SYCP2L: variants seen among roughly 807,000 people sequenced by gnomAD.
The protein encoded by SYCP2L is synaptonemal complex protein 2-like.
A neutral mutation model predicts 125.8 loss-of-function variants in SYCP2L; 98 were observed. The ratio of observed to expected loss-of-function variants is 0.78; its 90% confidence interval spans 0.66 to 0.92. SYCP2L has a LOEUF of 0.92. Among genes scored for constraint, SYCP2L ranks in the 40% least tolerant of loss-of-function variants. The pLI is 0.00. For synonymous variants in SYCP2L, 317 were observed against 325.4 expected, an observed-to-expected ratio of 0.97 and a Z score of 0.28; for missense variants, 842 against 936.4, an observed-to-expected ratio of 0.90 and a Z score of 1.32.
At chr6:10,942,624 T>C in intron 22 of SYCP2L, 53 bp from the exon 23 acceptor site, 1 of 1,602,950 alleles carries the variant, frequency 6.2e-7, no homozygotes, top group African/African-American at 1.3e-5. Flanking sequence ...GTACACCACT[T>C]GTTTCTTGCT....
At chr6:10,913,300 T>C (rs139025090) in intron 14 of SYCP2L, among the ~76,000 whole-genome samples, 2 of 152,142 alleles carry the variant, frequency 1.3e-5, no homozygotes, top group African/African-American at 2.4e-5. Flanking sequence ...ACCTAGAAAA[T>C]CAGGTAGTAA....
chr6:10,912,516 T>C lies in SYCP2L; in HGVS notation c.919-157T>C, dbSNP rs1048543250. Among the ~76,000 whole-genome samples, 4 of 152,206 alleles carry C rather than the reference T, an allele frequency of 2.6e-5. No individual in the cohort carries two copies. The highest frequency in any genetic ancestry group is 9.6e-5 in the African/African-American group (4 of 41,454). ...GAGTTCTATAAAATTGAGATCCTTC[T>C]GTTTTGCACAAAAGAGTCAGTCAAT... On this transcript the variant is annotated intron_variant, in intron 12 of 29. Coordinates refer to ENST00000283141, the MANE Select transcript of SYCP2L (RefSeq NM_001040274.3). The surrounding 1 kb of genome is among the most constrained non-coding windows in gnomAD (Gnocchi z 4.1).
intron 6 of SYCP2L, among the ~76,000 whole-genome samples, chr6:10,900,583 C>A (rs750792679): frequency 3.3e-5 from 5 of 152,054 alleles, no homozygotes; most frequent in Non-Finnish European, 7.4e-5. Context: ...GAACTCCTGA[C>A]CCCAGGTGAT....
chr6:10,955,437 C>T (rs73432983), intron 24 of SYCP2L, among the ~76,000 whole-genome samples: 6,469 of 152,184 alleles, frequency 0.043, 464 homozygotes, highest in African/African-American at 0.15. Flanking sequence ...ATTTCTTCCT[C>T]GTAACTCTTC....
At chr6:10,895,597 C>T (rs1452399529) in intron 4 of SYCP2L, among the ~76,000 whole-genome samples, 1 of 148,980 alleles carries the variant, frequency 6.7e-6, no homozygotes, top group Non-Finnish European at 1.5e-5. Flanking sequence ...GCCTGGGCAT[C>T]TAACAAAGGC....
At chr6:10,900,353 C>A (rs1977745) in intron 6 of SYCP2L, among the ~76,000 whole-genome samples, 46,065 of 150,490 alleles carry the variant, frequency 0.31, 7,398 homozygotes, top group African/African-American at 0.39. Flanking sequence ...TTTTTCTTTT[C>A]TTTTCTTTTT....
chr6:10,944,022 T>G (rs1012425540), intron 23 of SYCP2L, among the ~76,000 whole-genome samples: 2 of 152,224 alleles, frequency 1.3e-5, no homozygotes, highest in African/African-American at 2.4e-5. Flanking sequence ...TCATGAACTC[T>G]CTCCTGATAC....
chr6:10,938,500 A>C (rs1365551770), intron 21 of SYCP2L, among the ~76,000 whole-genome samples: 1 of 152,240 alleles, frequency 6.6e-6, no homozygotes, highest in Non-Finnish European at 1.5e-5. Flanking sequence ...CAGGAATACG[A>C]CAAAGGTGTC....
chr6:10,924,653 C>A lies in SYCP2L; in HGVS notation c.1218+12C>A. 1 of 1,536,626 alleles carries A rather than the reference C, an allele frequency of 6.5e-7. No individual in the cohort carries two copies. The highest frequency in any genetic ancestry group is 1.3e-5 in the South Asian group (1 of 77,422). On this transcript the variant is annotated intron_variant, in intron 15 of 29. Coordinates refer to ENST00000283141, the MANE Select transcript of SYCP2L (RefSeq NM_001040274.3). ...GAGAAGACAAACAGGTGGCAGGTTT[C>A]ATTCTTTTGGATTATTTAAAAATGT...
chr6:10,945,949 A>C (rs903916210), intron 23 of SYCP2L, among the ~76,000 whole-genome samples: 1 of 152,006 alleles, frequency 6.6e-6, no homozygotes. Flanking sequence ...GCATGGTATA[A>C]TTTCTAAAAG....
intron 2 of SYCP2L, among the ~76,000 whole-genome samples, chr6:10,893,344 A>G (rs914513324): frequency 2.6e-5 from 4 of 152,274 alleles, no homozygotes; most frequent in African/African-American, 9.6e-5. Flanking sequence ...ATGTGCAGGC[A>G]GAAAAGATGA....
intron 1 of SYCP2L, among the ~76,000 whole-genome samples, chr6:10,888,423 GA>G (rs1223141234): frequency 6.6e-6 from 1 of 151,994 alleles, no homozygotes; most frequent in Non-Finnish European, 1.5e-5. Context: ...TGAGGAGACT[GA>G]ATCTCAGAGA....
In SYCP2L at chr6:10,936,763, G is replaced by A. The variant is rs112721765; in HGVS notation, c.1813+1576G>A. Reference sequence around the variant, plus strand: ...GAAGGGTCGGAAAAAGATATTCCATGCAAATGGCAATCAAAAGAGAGCAGG... The same window carrying A: ...GAAGGGTCGGAAAAAGATATTCCATACAAATGGCAATCAAAAGAGAGCAGG... On this transcript the variant is annotated intron_variant, in intron 21 of 29. Transcript: ENST00000283141. 8.6e-3 allele frequency among the ~76,000 whole-genome samples: 1,309 copies of A among 152,266 alleles called. 29 individuals are homozygous for A. Among genetic ancestry groups the A allele is most frequent in the African/African-American group, 0.03 (1,246 of 41,542 alleles).
intron 23 of SYCP2L, among the ~76,000 whole-genome samples, chr6:10,953,506 A>G (rs1229624703): frequency 6.6e-6 from 1 of 152,044 alleles, no homozygotes; most frequent in Non-Finnish European, 1.5e-5. Context: ...CTCTACCTCT[A>G]CCCTCACCAC....
intron 14 of SYCP2L, among the ~76,000 whole-genome samples, chr6:10,916,410 G>T (rs374661839): frequency 1.3e-5 from 2 of 152,296 alleles, no homozygotes; most frequent in Non-Finnish European, 2.9e-5. Context: ...TGTGACCTTA[G>T]ATTGTCTGTT....
chr6:10,920,713 A>G (rs1054775020), intron 14 of SYCP2L, among the ~76,000 whole-genome samples: 9 of 152,132 alleles, frequency 5.9e-5, no homozygotes, highest in Non-Finnish European at 1.0e-4. Context: ...CAGGTTTGTT[A>G]CATAGGTAAC....
chr6:10,965,957 A>G (rs1216370054), intron 29 of SYCP2L, among the ~76,000 whole-genome samples: 1 of 152,160 alleles, frequency 6.6e-6, no homozygotes, highest in African/African-American at 2.4e-5. Context: ...TACTAAAAAT[A>G]CAAAAATTAG....
At chr6:10,971,680 ATGTTTT>A (rs1464849410) in intron 29 of SYCP2L, among the ~76,000 whole-genome samples, 2 of 134,528 alleles carry the variant, frequency 1.5e-5, no homozygotes, top group Admixed American at 8.3e-5. Context: ...ATACTTATAT[ATGTTTT>A]TGTTTTTGTT....
chr6:10,958,066 T>C (rs1458158179), intron 25 of SYCP2L, among the ~76,000 whole-genome samples: 3 of 152,192 alleles, frequency 2.0e-5, no homozygotes. Context: ...TTAATTAACT[T>C]AGATCTCCAG....
Sources: gnomAD v4.1 joint callset for allele counts (sites outside exome capture counted in the v4.1 genomes callset) on GRCh38, gnomAD v4.1.1 for gene constraint, Gnocchi (gnomAD v3.1) non-coding constraint, MANE v1.5 for transcripts, NCBI Gene and HGNC (gene_info 2026-07-23, HGNC 2026-07-21) for gene names.